Variants in TROAP observed in about 807,000 individuals in gnomAD.
TROAP encodes trophinin associated protein, also known as tastin.
TROAP carries 62 observed loss-of-function variants against 83.4 expected under a neutral mutation model. That is an observed-to-expected ratio of 0.74 (90% CI 0.61 to 0.92). The LOEUF (loss-of-function observed/expected upper bound fraction) is 0.92, where lower values mean the gene tolerates loss of function less well. Ranked by LOEUF, TROAP falls within the 40% of genes least tolerant of loss-of-function variation. TROAP has a pLI of 0.00. For synonymous variants in TROAP, 352 were observed against 386.4 expected (o/e 0.91, Z 1.04); for missense variants, 876 against 985.1 (o/e 0.89, Z 1.48).
chr12:49,324,130 T>G, intron 3 of TROAP, 93 bp downstream of exon 3: 2 of 1,614,152 alleles, frequency 1.2e-6, no homozygotes, highest in Non-Finnish European at 1.7e-6. Flanking sequence ...CACTCACTCC[T>G]GCTGTCTCCT....
In TROAP at chr12:49,323,553, T is replaced by C; in HGVS notation, c.-5-51T>C. 3.1e-6 allele frequency: 5 copies of C among 1,591,788 alleles called. No homozygotes were observed. The South Asian group carries it at 5.6e-5, about 18-fold the overall frequency. On this transcript the variant is annotated intron_variant, in intron 1 of 14. Transcript: ENST00000257909. ...GCAGGACAGGTGCCCCGAGAACTGG[T>C]TGATCTTTGATCTTAGATTCTGCCT...
chr12:49,328,853 G>A (rs547363466), intron 8 of TROAP, 74 bp from the exon 9 acceptor site: 3 of 1,492,846 alleles, frequency 2.0e-6, no homozygotes, highest in East Asian at 2.3e-5. Context: ...GACAGAGCGA[G>A]ACTCCGTATC....
Position 49,323,844 on chromosome 12 carries a change from G to A in TROAP, c.145-1G>A. ...CTTTTTGTCCCCGCTCCCTCCCCTA[G>A]AGATGGGTGCAGAAACCACCGCTCA... is the stretch of plus-strand genomic sequence containing the variant. On this transcript the variant is annotated splice_acceptor_variant, in intron 2 of 14. Transcript: ENST00000257909. LOFTEE classifies it high-confidence loss of function. 1 of 1,613,946 alleles carries A rather than the reference G, an allele frequency of 6.2e-7. No homozygotes were observed. The highest frequency in any genetic ancestry group is 8.5e-7 in the Non-Finnish European group (1 of 1,179,996).
At chr12:49,326,759 G>C in intron 7 of TROAP, 39 bp downstream of exon 7, 3 of 1,552,360 alleles carry the variant, frequency 1.9e-6, no homozygotes, top group Non-Finnish European at 2.6e-6. Flanking sequence ...AGGGGCAGTT[G>C]GGCTGCCTGA....
Position 49,330,495 on chromosome 12 carries a change from A to G in TROAP, c.1650A>G (p.Pro550=), listed in dbSNP as rs748143317. 27 of 1,613,306 alleles carry G rather than the reference A, an allele frequency of 1.7e-5. No individual in the cohort carries two copies. Among genetic ancestry groups the G allele is most frequent in the Non-Finnish European group, 2.3e-5 (27 of 1,179,666 alleles). ...EQLEVPEPYP[P]AEPRPLESCC... is the part of the protein sequence containing the mutation. ...TTGAAGTACCAGAGCCCTACCCTCC[A>G]GCAGAACCCAGGCCCCTAGAGTCCT... The change falls in exon 13 of 15, where the codon CCA becomes CCG. Residue 550 remains proline (P), a synonymous_variant. Coordinates refer to ENST00000257909, the MANE Select transcript of TROAP (RefSeq NM_005480.4).
At chr12:49,324,979 T>C (rs1342193585) in intron 3 of TROAP, among the ~76,000 whole-genome samples, 2 of 150,368 alleles carry the variant, frequency 1.3e-5, no homozygotes, top group Non-Finnish European at 3.0e-5. Context: ...GGCACGATCT[T>C]GGCTCATTGC....
In TROAP at chr12:49,331,349, G is replaced by A; in HGVS notation, c.2234G>A (p.Gly745Asp). The change falls in exon 14 of 15, where the codon GGC becomes GAC. Residue 745 changes from glycine to aspartate, a missense_variant. Coordinates refer to ENST00000257909, the MANE Select transcript of TROAP (RefSeq NM_005480.4). The part of the protein sequence containing the change: ...AFYTSRAPPS[G>D]PTRVCTNPVA... Reference sequence around the variant, plus strand: ...TACACCAGCCGAGCCCCTCCCTCAGGCCCCACCCGGGTCTGCACCAACCCT... The same window carrying A: ...TACACCAGCCGAGCCCCTCCCTCAGACCCCACCCGGGTCTGCACCAACCCT... 6.2e-7 allele frequency: 1 copy of A among 1,614,128 alleles called. No homozygotes were observed.
rs1363393610 is a variant in TROAP, at chr12:49,326,025, G to C, written c.634-51G>C. On this transcript the variant is annotated intron_variant, in intron 5 of 14. Transcript: ENST00000257909. ...ATGGGGTTGGTGGTGAGGCCTGAGG[G>C]TTTGGGGTCCACCTCTGATTCCGTT... 2.5e-6 allele frequency: 4 copies of C among 1,608,930 alleles called. No individual in the cohort carries two copies. The Admixed American group carries it at 5.0e-5, about 20-fold the overall frequency.
intron 3 of TROAP, 70 bp from the exon 4 acceptor site, chr12:49,325,431 A>T: frequency 6.7e-7 from 1 of 1,493,430 alleles, no homozygotes; most frequent in Non-Finnish European, 9.0e-7. Context: ...TGTACCTCAA[A>T]GTTCCTATGC....
Position 49,323,516 on chromosome 12 carries a change from G to C in TROAP, c.-5-88G>C, listed in dbSNP as rs1267629653. On this transcript the variant is annotated intron_variant, in intron 1 of 14. Transcript: ENST00000257909. Reference sequence around the variant, plus strand: ...TGTGGGCGCGTGGATTAGGGCGGAGGTATCAGGGATGGCAGGACAGGTGCC... The same window carrying C: ...TGTGGGCGCGTGGATTAGGGCGGAGCTATCAGGGATGGCAGGACAGGTGCC... The C allele has an allele frequency of 3.3e-6, 5 of 1,529,688 alleles. No individual in the cohort carries two copies. The African/African-American group carries it at 4.1e-5, about 13-fold the overall frequency. The allele number at this position is 1,529,688 out of a possible 1,614,324, so 94.8% of individuals were successfully genotyped here. A position where few individuals can be genotyped will look rare whatever the true frequency, so the allele number is the denominator to read the frequency against.
At chr12:49,326,183 A>G in intron 6 of TROAP, 25 bp downstream of exon 6, 3 of 1,609,656 alleles carry the variant, frequency 1.9e-6, no homozygotes, top group East Asian at 2.2e-5. Flanking sequence ...GGTGTGGGAG[A>G]AGGTCATCTG....
chr12:49,331,416 C>G lies in TROAP; in HGVS notation c.2292+9C>G. 6.2e-7 allele frequency: 1 copy of G among 1,611,476 alleles called. No individual in the cohort carries two copies. The highest frequency in any genetic ancestry group is 8.5e-7 in the Non-Finnish European group (1 of 1,178,160). ...AATGGCAGGATGCCCTGGTGAGACT[C>G]CAACCCACAGCCCAGCTGTGGCTGC... On this transcript the variant is annotated intron_variant, in intron 14 of 14. Coordinates refer to ENST00000257909, the MANE Select transcript of TROAP (RefSeq NM_005480.4).
Position 49,326,106 on chromosome 12 carries a change from T to C in TROAP, c.664T>C (p.Ser222Pro), listed in dbSNP as rs1943496618. ...ACCTTCAGGACCTTCCTTTCACCCT[T>C]CCACTCGCCCCAGTTTCCAGGAGCT... ...ISPSGPSFHP[S>P]TRPSFQELRR... Residue 222 changes from serine to proline, a missense_variant, in exon 6 of 15, where the codon TCC (serine) becomes CCC (proline). Physicochemically the swap from Ser to Pro is moderately conservative, Grantham distance 74. Around this residue, in one of 3 missense-constraint regions of TROAP, gnomAD observed 689 missense variants for 722.6 expected, o/e 0.95. Coordinates refer to ENST00000257909, the MANE Select transcript of TROAP (RefSeq NM_005480.4). 6.2e-7 allele frequency: 1 copy of C among 1,613,968 alleles called. No homozygotes were observed. The highest frequency in any genetic ancestry group is 1.3e-5 in the African/African-American group (1 of 75,026).
At chr12:49,327,471 C>T in intron 8 of TROAP, 141 bp downstream of exon 8, 1 of 1,104,988 alleles carries the variant, frequency 9.0e-7, no homozygotes, top group South Asian at 1.5e-5. Flanking sequence ...AGGTTTACCC[C>T]AGATGCACCC....
In TROAP at chr12:49,325,485, T is replaced by A. The variant is rs762098249; in HGVS notation, c.338-16T>A. 6.2e-7 allele frequency: 1 copy of A among 1,609,156 alleles called. No homozygotes were observed. On this transcript the variant is annotated splice_polypyrimidine_tract_variant and intron_variant, in intron 3 of 14. Coordinates refer to ENST00000257909, the MANE Select transcript of TROAP (RefSeq NM_005480.4). ...CAGCCTTCCCCCTTCCTTTTCCTTC[T>A]CCTCTTTCCTTGCAGAGGCTCCAGG...
intron 5 of TROAP, 46 bp downstream of exon 5, chr12:49,325,930 T>A: frequency 6.2e-7 from 1 of 1,605,732 alleles, no homozygotes; most frequent in Non-Finnish European, 8.5e-7. Context: ...TGGGAGCTCC[T>A]TCCAGGGACA....
chr12:49,325,494 C>T lies in TROAP; in HGVS notation c.338-7C>T. The T allele has an allele frequency of 3.7e-6, 6 of 1,611,194 alleles. No homozygotes were observed. Among genetic ancestry groups the T allele is most frequent in the Non-Finnish European group, 5.1e-6 (6 of 1,178,682 alleles). Reference sequence around the variant, plus strand: ...CCCTTCCTTTTCCTTCTCCTCTTTCCTTGCAGAGGCTCCAGGGACCATAGA... The same window carrying T: ...CCCTTCCTTTTCCTTCTCCTCTTTCTTTGCAGAGGCTCCAGGGACCATAGA... On this transcript the variant is annotated splice_region_variant and splice_polypyrimidine_tract_variant and intron_variant, in intron 3 of 14. Coordinates refer to ENST00000257909, the MANE Select transcript of TROAP (RefSeq NM_005480.4).
chr12:49,327,241 G>A lies in TROAP; in HGVS notation c.802G>A (p.Val268Ile), dbSNP rs1469293727. ...FSLPKGEREV[V>I]THSDEGGVAS... ...TCTTCCTAAAGGAGAACGCGAGGTTGTCACTCACTCAGATGAAGGAGGTGT... is the reference window on the plus strand; with the variant it reads ...TCTTCCTAAAGGAGAACGCGAGGTTATCACTCACTCAGATGAAGGAGGTGT... Residue 268 changes from valine (V) to isoleucine (I), a missense_variant, in exon 8 of 15, where the codon GTC becomes ATC. Val to Ile is a conservative substitution (Grantham distance 29, BLOSUM62 3). This residue lies in a region of TROAP where 689 missense variants were observed against 722.6 expected (regional missense o/e 0.95). Coordinates refer to ENST00000257909, the MANE Select transcript of TROAP (RefSeq NM_005480.4). 1 of 1,614,228 alleles carries A rather than the reference G, an allele frequency of 6.2e-7. No homozygotes were observed. Among genetic ancestry groups the A allele is most frequent in the Non-Finnish European group, 8.5e-7 (1 of 1,180,024 alleles).
chr12:49,325,559 A>C lies in TROAP; in HGVS notation c.396A>C (p.Ser132=), dbSNP rs1324555384. Residue 132 remains serine, a synonymous_variant, in exon 4 of 15, where the codon TCA becomes TCC. Transcript: ENST00000257909. ...CTGCAGCCCTGGCCACCATCCTGTC[A>C]GGTGAGGGTGTGAAGAGCTGTCACC... ...ADPAALATIL[S]GEGVKSCHLG... 1.7e-5 allele frequency: 27 copies of C among 1,614,038 alleles called. No individual in the cohort carries two copies. Among genetic ancestry groups the C allele is most frequent in the Non-Finnish European group, 2.3e-5 (27 of 1,180,018 alleles).
Sources: gnomAD v4.1 joint callset for allele counts (sites outside exome capture counted in the v4.1 genomes callset) on GRCh38, gnomAD v4.1.1 for gene constraint, gnomAD v4.1.1 regional missense constraint, MANE v1.5 for transcripts, NCBI Gene and HGNC (gene_info 2026-07-23, HGNC 2026-07-21) for gene names.